The following MCTP2 variants were observed in gnomAD, a reference collection of about 807,000 sequenced individuals.
MCTP2 encodes multiple C2 and transmembrane domain containing 2.
A neutral mutation model predicts 111.6 loss-of-function variants in MCTP2; 132 were observed. That is an observed-to-expected ratio of 1.18 (90% CI 1.03 to 1.37). The LOEUF is 1.37. Ranked by LOEUF, MCTP2 falls within the 40% of genes most tolerant of loss-of-function variation. The probability of loss-of-function intolerance (pLI) is 0.00; values close to 1 mark genes in which losing one functional copy is unlikely to be tolerated. For missense variants in MCTP2, 1,183 were observed against 1,067.9 expected (o/e 1.11, Z -1.50); for synonymous variants, 395 against 387.7 (o/e 1.02, Z -0.22).
At position 94,482,886 on chromosome 15, in the gene MCTP2, G is replaced by C. The variant is rs116973304; in HGVS notation, c.*3852G>C. On this transcript the variant is annotated 3_prime_UTR_variant, in exon 23 of 23. Transcript: ENST00000357742. ...GATGTGGTCAATAATATCAAATGCC[G>C]CTGAGATCACATAAGTACAGAATCA... 6.6e-6 allele frequency: 1 copy of C among 152,126 alleles called. No individual in the cohort carries two copies. Among genetic ancestry groups the C allele is most frequent in the African/African-American group, 2.4e-5 (1 of 41,416 alleles). The allele number at this position is 152,126 out of a possible 1,614,324, so 9.4% of individuals were successfully genotyped here.
At chr15:94,313,804 A>G (rs531401594) in intron 2 of MCTP2, among the ~76,000 whole-genome samples, 20 of 152,170 alleles carry the variant, frequency 1.3e-4, no homozygotes, top group Non-Finnish European at 8.8e-5. Flanking sequence ...GCGATTGACC[A>G]GTTGCTAGCC....
chr15:94,320,432 C>T lies in MCTP2; in HGVS notation c.637+4795C>T, dbSNP rs138190330. Among the ~76,000 whole-genome samples the T allele has an allele frequency of 6.0e-3, 918 of 152,262 alleles. 16 individuals carry two copies. Among genetic ancestry groups the T allele is most frequent in the African/African-American group, 0.021 (881 of 41,554 alleles). On this transcript the variant is annotated intron_variant, in intron 4 of 22. Transcript: ENST00000357742. ...CTGGGATTACAGCTGTGAGCCACTG[C>T]GCCTGGCCCTAGTTTATTAATCTTT...
chr15:94,299,960 G>A (rs1404990791), intron 2 of MCTP2, among the ~76,000 whole-genome samples: 2 of 152,088 alleles, frequency 1.3e-5, no homozygotes, highest in Non-Finnish European at 2.9e-5. Flanking sequence ...AACCCATTTT[G>A]TAAACCTTTT....
chr15:94,390,088 A>ATATATG (rs1567602788), intron 14 of MCTP2, among the ~76,000 whole-genome samples: 46 of 10,860 alleles, frequency 4.2e-3, no homozygotes, highest in African/African-American at 8.4e-3. Context: ...ATATATATAT[A>ATATATG]TGTATATATA....
rs182049303 is a variant in MCTP2 at position 94,356,067 on chromosome 15, C to T, written c.1006-70C>T. Reference sequence around the variant, plus strand: ...TAATTAAATACTGAAAGTTGGAATTCCTATGATCATCAAAGTCACTCTCAG... The same window carrying T: ...TAATTAAATACTGAAAGTTGGAATTTCTATGATCATCAAAGTCACTCTCAG... On this transcript the variant is annotated intron_variant, in intron 8 of 22. Transcript: ENST00000357742. 76 of 1,401,632 alleles carry T rather than the reference C, an allele frequency of 5.4e-5. No homozygotes were observed. In the African/African-American group the frequency reaches 9.9e-4, roughly 18 times the overall value. 86.8% of individuals were successfully genotyped at this position (1,401,632 alleles called of 1,614,324 possible).
chr15:94,372,888 A>G (rs2079562456), intron 12 of MCTP2, among the ~76,000 whole-genome samples: 1 of 152,142 alleles, frequency 6.6e-6, no homozygotes, highest in South Asian at 2.1e-4. Flanking sequence ...TTCTTTTATC[A>G]TATGTTTTTA....
At chr15:94,420,788 G>C (rs1227797316) in intron 17 of MCTP2, among the ~76,000 whole-genome samples, 1 of 152,162 alleles carries the variant, frequency 6.6e-6, no homozygotes. Flanking sequence ...AATAACAAAT[G>C]ACTTAGAATA....
chr15:94,330,144 G>T (rs1473212492), intron 4 of MCTP2, among the ~76,000 whole-genome samples: 5 of 152,136 alleles, frequency 3.3e-5, no homozygotes, highest in Non-Finnish European at 7.3e-5. Context: ...CCTTTTATAA[G>T]GCTGAAAAGT....
chr15:94,272,907 C>G (rs1178134044), intron 1 of MCTP2, among the ~76,000 whole-genome samples: 1 of 152,176 alleles, frequency 6.6e-6, no homozygotes, highest in Admixed American at 6.5e-5. Context: ...AATTGCCAAT[C>G]TCTTCAACAT....
At chr15:94,315,129 T>G (rs549708712) in intron 3 of MCTP2, among the ~76,000 whole-genome samples, 1 of 152,210 alleles carries the variant, frequency 6.6e-6, no homozygotes, top group African/African-American at 2.4e-5. Flanking sequence ...ACATCTGAAC[T>G]TGGAAGCGGG....
At chr15:94,401,802 C>G (rs2304296) in intron 16 of MCTP2, 98 bp from the exon 17 acceptor site, 97,481 of 831,624 alleles carry the variant, frequency 0.12, 6,393 homozygotes, top group African/African-American at 0.13. Flanking sequence ...AAATTGGGAT[C>G]TATACAAAAT....
At chr15:94,439,098 T>C (rs559827207) in intron 17 of MCTP2, among the ~76,000 whole-genome samples, 9 of 152,344 alleles carry the variant, frequency 5.9e-5, no homozygotes, top group African/African-American at 1.9e-4. Context: ...TGTAAATTAT[T>C]TGCTTTTATA....
chr15:94,372,777 T>TAA (rs140443074), intron 12 of MCTP2, among the ~76,000 whole-genome samples: 12 of 148,360 alleles, frequency 8.1e-5, no homozygotes, highest in Non-Finnish European at 1.5e-4. Flanking sequence ...ACCCACAAAT[T>TAA]AAAAAAAAAA....
At chr15:94,477,222 A>G (rs1188502320) in intron 22 of MCTP2, among the ~76,000 whole-genome samples, 3 of 152,144 alleles carry the variant, frequency 2.0e-5, no homozygotes, top group African/African-American at 7.2e-5. Flanking sequence ...ATTTGCCCTG[A>G]TTTATCTCCT....
At chr15:94,258,202 T>G (rs2072958283) in intron 1 of MCTP2, among the ~76,000 whole-genome samples, 1 of 152,072 alleles carries the variant, frequency 6.6e-6, no homozygotes. Context: ...TGTGCTCAAA[T>G]CCCAGGAGGG....
chr15:94,443,047 CTTTT>C (rs529237554), intron 19 of MCTP2, 87 bp downstream of exon 19: 184 of 574,848 alleles, frequency 3.2e-4, no homozygotes, highest in South Asian at 6.1e-4. Flanking sequence ...TCTCTCCTCT[CTTTT>C]TTTTTTTTTT....
Position 94,246,618 on chromosome 15 carries a change from C to T in MCTP2, c.-66+14954C>T, listed in dbSNP as rs369889658. Reference sequence around the variant, plus strand: ...AAAACTCATTTGCAGTATTTTAGCTCAGTGGGAAGATTGATTTGGATGTTT... The same window carrying T: ...AAAACTCATTTGCAGTATTTTAGCTTAGTGGGAAGATTGATTTGGATGTTT... On this transcript the variant is annotated intron_variant, in intron 1 of 22. Transcript: ENST00000357742. 4.1e-4 allele frequency among the ~76,000 whole-genome samples: 63 copies of T among 152,226 alleles called. No homozygotes were observed. In the South Asian group the frequency reaches 6.4e-3, roughly 16 times the overall value.
chr15:94,475,740 C>T (rs914427798), intron 21 of MCTP2, among the ~76,000 whole-genome samples: 5 of 152,086 alleles, frequency 3.3e-5, no homozygotes, highest in African/African-American at 4.8e-5. Context: ...TTATGAGCTC[C>T]GGATATAGTC....
chr15:94,368,943 C>T (rs1013647713), intron 11 of MCTP2, among the ~76,000 whole-genome samples: 2 of 152,164 alleles, frequency 1.3e-5, no homozygotes, highest in African/African-American at 2.4e-5. Flanking sequence ...ATAGTGAGTG[C>T]TTCTTCAGCT....
Sources: gnomAD v4.1 joint callset for allele counts (sites outside exome capture counted in the v4.1 genomes callset) on GRCh38, gnomAD v4.1.1 for gene constraint, MANE v1.5 for transcripts, NCBI Gene and HGNC (gene_info 2026-07-23, HGNC 2026-07-21) for gene names.